SLC6A16: variants seen among roughly 807,000 people sequenced by gnomAD.
SLC6A16 encodes orphan sodium- and chloride-dependent neurotransmitter transporter NTT5.
A neutral mutation model predicts 65.4 loss-of-function variants in SLC6A16; 54 were observed. The ratio of observed to expected loss-of-function variants is 0.83; its 90% CI spans 0.66 to 1.04. The LOEUF is 1.04. Among genes scored for constraint, SLC6A16 ranks in the 50% least tolerant of loss-of-function variants. SLC6A16 has a pLI of 0.00. For missense variants in SLC6A16, 816 were observed against 914.0 expected, an observed-to-expected ratio of 0.89 and a Z score of 1.38; for synonymous variants, 330 against 346.5, an observed-to-expected ratio of 0.95 and a Z score of 0.53.
At position 49,293,402 on chromosome 19, in the gene SLC6A16, T is replaced by A. The variant is rs775788186; in HGVS notation, c.1619-20A>T. On this transcript the variant is annotated intron_variant, in intron 9 of 11. Transcript: ENST00000335875. Reference sequence around the variant, plus strand: ...CTCCCACTGGAGAAAACATGAGATCTGGATCAAGGTTAGAAGTCACGGCTG... The same window carrying A: ...CTCCCACTGGAGAAAACATGAGATCAGGATCAAGGTTAGAAGTCACGGCTG... The A allele has an allele frequency of 3.7e-6, 6 of 1,613,278 alleles. No homozygotes were observed. Among genetic ancestry groups the A allele is most frequent in the Non-Finnish European group, 4.2e-6 (5 of 1,179,674 alleles).
the SLC6A16 span, chr19:49,338,245 T>C: frequency 7.3e-7 from 1 of 1,376,468 alleles, no homozygotes. This position sits in a 1 kb window ranked among gnomAD's most constrained non-coding sequence, Gnocchi z 5.0. Flanking sequence ...CTTCGCCATC[T>C]ACCTCGAGAG....
At chr19:49,328,815 G>C (rs922855690), upstream of SLC6A16, among the ~76,000 whole-genome samples, 1 of 152,162 alleles carries the variant, frequency 6.6e-6, no homozygotes, top group Non-Finnish European at 1.5e-5. Flanking sequence ...CCCTTCAACT[G>C]ATTTCTGTAA....
intron 7 of SLC6A16, among the ~76,000 whole-genome samples, chr19:49,299,011 AGAGGCAGGCAGATCAC>A (rs1315554680): frequency 2.6e-5 from 4 of 152,160 alleles, no homozygotes; most frequent in African/African-American, 9.6e-5. Flanking sequence ...TTTGGGAGGC[AGAGGCAGGCAGATCAC>A]GAGGTCAGGA....
chr19:49,313,038 G>T (rs994020474), intron 1 of SLC6A16, among the ~76,000 whole-genome samples: 1 of 131,880 alleles, frequency 7.6e-6, no homozygotes, highest in South Asian at 2.4e-4. Flanking sequence ...AGCCGAGATC[G>T]CACGACTGCA....
the SLC6A16 span, chr19:49,339,678 C>T: frequency 7.0e-7 from 1 of 1,425,058 alleles, no homozygotes; most frequent in Non-Finnish European, 9.1e-7. This position sits in a 1 kb window ranked among gnomAD's most constrained non-coding sequence, Gnocchi z 4.5. Context: ...TGGTGCTGAG[C>T]GTACAGCTAC....
intron 7 of SLC6A16, among the ~76,000 whole-genome samples, chr19:49,299,843 T>G (rs1402277947): frequency 2.0e-5 from 3 of 151,120 alleles, no homozygotes; most frequent in Non-Finnish European, 4.4e-5. Flanking sequence ...GCCAACATGG[T>G]GAAACCCTGT....
In SLC6A16 at chr19:49,311,037, G is replaced by A. The variant is rs201814152; in HGVS notation, c.311C>T (p.Pro104Leu). Reference sequence around the variant, plus strand: ...ATACTCAGTTTTGCTGGACCAGAACGGACGGGCAAGGAGGACCTCACTCTC... The same window carrying A: ...ATACTCAGTTTTGCTGGACCAGAACAGACGGGCAAGGAGGACCTCACTCTC... ...KKESEVLLAR[P>L]FWSSKTEYIL... Residue 104 changes from proline (P) to leucine (L), a missense_variant, in exon 2 of 12, where the codon CCG becomes CTG. Coordinates refer to ENST00000335875, the MANE Select transcript of SLC6A16 (RefSeq NM_014037.3). 378 of 1,614,070 alleles carry A rather than the reference G, an allele frequency of 2.3e-4. 1 individual carries two copies. The highest frequency in any genetic ancestry group is 4.0e-4 in the East Asian group (18 of 44,894).
At chr19:49,332,887 C>T in the SLC6A16 span, among the ~76,000 whole-genome samples, 3 of 152,086 alleles carry the variant, frequency 2.0e-5, no homozygotes, top group Non-Finnish European at 1.5e-5. Flanking sequence ...AGGGGCTGGG[C>T]GCAGTGGCTT....
chr19:49,311,304 G>T lies in SLC6A16; in HGVS notation c.44C>A (p.Thr15Asn). 6.2e-7 allele frequency: 1 copy of T among 1,605,458 alleles called. No individual in the cohort carries two copies. Among genetic ancestry groups the T allele is most frequent in the Non-Finnish European group, 8.5e-7 (1 of 1,176,246 alleles). Residue 15 changes from threonine to asparagine, a missense_variant, in exon 2 of 12, where the codon ACC becomes AAC. By Grantham distance (65) the Thr-to-Asn change is moderately conservative. Coordinates refer to ENST00000335875, the MANE Select transcript of SLC6A16 (RefSeq NM_014037.3). ...AQPSTSLLANTSWTGTVISDS... is the reference protein window; with the variant it reads ...AQPSTSLLANNSWTGTVISDS... ...AGAAATCACTGTGCCAGTCCATGAG[G>T]TGTTTGCCAGCAAGGATGTCGAAGG...
upstream of SLC6A16, chr19:49,325,295 C>T (rs991261684): frequency 2.1e-4 from 197 of 949,858 alleles, no homozygotes; most frequent in Non-Finnish European, 2.3e-4. Context: ...TTCGCCCTCC[C>T]CAACTCCCTG....
intron 1 of SLC6A16, among the ~76,000 whole-genome samples, chr19:49,317,740 G>A (rs1970638914): frequency 6.6e-6 from 1 of 151,184 alleles, no homozygotes; most frequent in South Asian, 2.1e-4. Context: ...CAGGAGGTGG[G>A]GCTTGCAGTG....
the SLC6A16 span, chr19:49,339,620 C>G: frequency 7.0e-7 from 1 of 1,433,492 alleles, no homozygotes; most frequent in Middle Eastern, 2.6e-4. The surrounding 1 kb of genome is among the most constrained non-coding windows in gnomAD (Gnocchi z 4.5). Flanking sequence ...GGAAAGCCTC[C>G]TGCTATTGGC....
chr19:49,312,061 G>A (rs1970533736), intron 1 of SLC6A16, among the ~76,000 whole-genome samples: 1 of 151,110 alleles, frequency 6.6e-6, no homozygotes, highest in Admixed American at 6.6e-5. Context: ...ATTTTTAGTA[G>A]AGCCAGGTTG....
intron 1 of SLC6A16, among the ~76,000 whole-genome samples, chr19:49,324,209 T>C (rs1038017557): frequency 3.3e-5 from 5 of 152,082 alleles, no homozygotes; most frequent in African/African-American, 9.7e-5. Context: ...CGCACGCCTA[T>C]AGTCCCAGCT....
At position 49,311,148 on chromosome 19, in the gene SLC6A16, T is replaced by A. The variant is rs761120851; in HGVS notation, c.200A>T (p.Lys67Met). 5.0e-6 allele frequency: 8 copies of A among 1,614,182 alleles called. No homozygotes were observed. The Admixed American group carries it at 1.3e-4, about 27-fold the overall frequency. Residue 67 changes from lysine (K) to methionine (M), a missense_variant, in exon 2 of 12, where the codon AAG becomes ATG. By Grantham distance (95) the Lys-to-Met change is moderately conservative (BLOSUM62 -1). Transcript: ENST00000335875. ...AEAQARTSQPKQISVLEALTA... is the reference protein window; with the variant it reads ...AEAQARTSQPMQISVLEALTA... ...TAACGCCTCCAATACAGAAATTTGCTTGGGCTGACTGGTCCTGGCCTGAGC... is the reference window on the plus strand; with the variant it reads ...TAACGCCTCCAATACAGAAATTTGCATGGGCTGACTGGTCCTGGCCTGAGC...
intron 7 of SLC6A16, among the ~76,000 whole-genome samples, chr19:49,306,969 A>G (rs952714023): frequency 7.3e-5 from 11 of 151,306 alleles, no homozygotes; most frequent in African/African-American, 2.4e-4. Context: ...AAAGATACAC[A>G]GAGAGCATCT....
chr19:49,307,225 G>T (rs1332388020), intron 7 of SLC6A16, among the ~76,000 whole-genome samples: 1 of 150,818 alleles, frequency 6.6e-6, no homozygotes, highest in Non-Finnish European at 1.5e-5. Context: ...ATAATAAAAG[G>T]TTTTTTTGAA....
At chr19:49,316,255 A>G (rs1461093048) in intron 1 of SLC6A16, among the ~76,000 whole-genome samples, 1 of 152,210 alleles carries the variant, frequency 6.6e-6, no homozygotes, top group South Asian at 2.1e-4. Context: ...AAATCTTCCC[A>G]AATACTCACA....
chr19:49,332,300 T>C, the SLC6A16 span: 1 of 456,684 alleles, frequency 2.2e-6, no homozygotes, highest in Non-Finnish European at 4.4e-6. Context: ...CTCACGCCTG[T>C]AATCCCAGAA....
Sources: allele counts gnomAD v4.1 joint callset (sites outside exome capture counted in the v4.1 genomes callset), GRCh38; gene constraint gnomAD v4.1.1; non-coding constraint Gnocchi (gnomAD v3.1); transcripts MANE v1.5; gene names NCBI Gene and HGNC (gene_info 2026-07-23, HGNC 2026-07-21).